The following ANKRD12 variants were observed in gnomAD, a reference collection of about 807,000 sequenced individuals.
The protein encoded by ANKRD12 is ankyrin repeat domain-containing protein 12.
Under a neutral mutation model 183.4 loss-of-function variants are expected in ANKRD12, and 85 were observed. The observed-to-expected ratio is 0.46, with a 90% CI of 0.39 to 0.56. ANKRD12 has a LOEUF of 0.56. Ranked by LOEUF, ANKRD12 falls within the 20% of genes least tolerant of loss-of-function variation. The pLI is 0.00. For synonymous variants in ANKRD12, 914 were observed against 800.2 expected, an observed-to-expected ratio of 1.14 and a Z score of -2.40; for missense variants, 2,405 against 2,357.1, an observed-to-expected ratio of 1.02 and a Z score of -0.42.
At position 9,285,204 on chromosome 18, in the gene ANKRD12, G is replaced by A. The variant is rs367882165; in HGVS notation, c.*4078G>A. On this transcript the variant is annotated 3_prime_UTR_variant, in exon 13 of 13. Coordinates refer to ENST00000262126, the MANE Select transcript of ANKRD12 (RefSeq NM_015208.5). Reference sequence around the variant, plus strand: ...AGCCTGGGCGACAGAGCGAGACTCCGTCTCAAAAAAAAAAAAAAAGAAAGA... The same window carrying A: ...AGCCTGGGCGACAGAGCGAGACTCCATCTCAAAAAAAAAAAAAAAGAAAGA... 2.1e-4 allele frequency: 30 copies of A among 141,018 alleles called. No individual in the cohort carries two copies. Among genetic ancestry groups the A allele is most frequent in the African/African-American group, 6.1e-4 (23 of 37,912 alleles). 8.7% of individuals were successfully genotyped at this position (141,018 alleles called of 1,614,324 possible). A position where few individuals can be genotyped will look rare whatever the true frequency, so the allele number is the denominator to read the frequency against.
Position 9,211,610 on chromosome 18 carries a change from A to G in ANKRD12, c.478A>G (p.Thr160Ala). Residue 160 changes from threonine (T) to alanine (A), a missense_variant, in exon 6 of 13, where the codon ACA becomes GCA. Thr to Ala is a moderately conservative substitution (Grantham distance 58). Transcript: ENST00000262126. ...PDSTPNHPSQ[T>A]TPAQKKTPSS... ...TTCCACACCAAATCATCCATCACAA[A>G]CAACGCCTGCCCAAAAGAAAACTCC... 1 of 1,613,894 alleles carries G rather than the reference A, an allele frequency of 6.2e-7. No individual in the cohort carries two copies. Among genetic ancestry groups the G allele is most frequent in the South Asian group, 1.1e-5 (1 of 91,080 alleles).
At chr18:9,242,125 TTAATG>T (rs1443300705) in intron 8 of ANKRD12, among the ~76,000 whole-genome samples, 3 of 152,080 alleles carry the variant, frequency 2.0e-5, no homozygotes, top group East Asian at 3.9e-4. Flanking sequence ...TGGCTGCAAA[TTAATG>T]TAAGTCTTTA....
In ANKRD12 at chr18:9,273,631, T is replaced by G. The variant is rs148602058; in HGVS notation, c.5764-1893T>G. Among the ~76,000 whole-genome samples, 592 of 152,324 alleles carry G rather than the reference T, an allele frequency of 3.9e-3. 3 individuals are homozygous for G. The highest frequency in any genetic ancestry group is 0.013 in the African/African-American group (527 of 41,570). The stretch of plus-strand genomic sequence containing the variant: ...GACCCAACAGTTCCATTCTACTTAT[T>G]TATCCAAGAGAAATGAAAACATGCA... On this transcript the variant is annotated intron_variant, in intron 10 of 12. Transcript: ENST00000262126.
At chr18:9,267,979 G>A (rs1269872987) in intron 10 of ANKRD12, among the ~76,000 whole-genome samples, 1 of 151,372 alleles carries the variant, frequency 6.6e-6, no homozygotes, top group Non-Finnish European at 1.5e-5. Context: ...TACCATCAGA[G>A]AATAAACACC....
intron 8 of ANKRD12, among the ~76,000 whole-genome samples, chr18:9,243,549 G>C (rs1305586891): frequency 3.3e-5 from 5 of 152,184 alleles, no homozygotes; most frequent in Non-Finnish European, 7.3e-5. Flanking sequence ...TATCCTTGGA[G>C]GTTACACAGG....
intron 8 of ANKRD12, among the ~76,000 whole-genome samples, chr18:9,236,308 T>A (rs776213074): frequency 2.0e-5 from 3 of 152,170 alleles, no homozygotes; most frequent in Non-Finnish European, 4.4e-5. Context: ...TAAGTGAGCT[T>A]ACCAACCCTC....
chr18:9,160,091 A>G (rs1307325249), intron 1 of ANKRD12, among the ~76,000 whole-genome samples: 1 of 151,956 alleles, frequency 6.6e-6, no homozygotes, highest in Non-Finnish European at 1.5e-5. Flanking sequence ...GCAACATGGT[A>G]AAACCGTGTC....
chr18:9,228,016 G>A (rs540959320), intron 8 of ANKRD12, among the ~76,000 whole-genome samples: 1 of 152,134 alleles, frequency 6.6e-6, no homozygotes, highest in African/African-American at 2.4e-5. Context: ...TGAGATTTAA[G>A]TTTCTTAGCT....
intron 1 of ANKRD12, among the ~76,000 whole-genome samples, chr18:9,144,276 C>T (rs2078419624): frequency 6.6e-6 from 1 of 152,108 alleles, no homozygotes; most frequent in Admixed American, 6.5e-5. Flanking sequence ...TATTAATTCT[C>T]CAACCTCCTT....
chr18:9,249,265 T>A (rs140613653), intron 8 of ANKRD12, among the ~76,000 whole-genome samples: 9 of 152,282 alleles, frequency 5.9e-5, no homozygotes, highest in Non-Finnish European at 8.8e-5. Context: ...GTAACCACAC[T>A]CTCACCCCTC....
In ANKRD12 at chr18:9,249,134, A is replaced by C. The variant is rs538050312; in HGVS notation, c.944-5077A>C. On this transcript the variant is annotated intron_variant, in intron 8 of 12. Coordinates refer to ENST00000262126, the MANE Select transcript of ANKRD12 (RefSeq NM_015208.5). ...AGTCCTCTGTGTAGATCACAGGCTTATGTTGGAAGTAACTTCTGAATAATG... is the reference window on the plus strand; with the variant it reads ...AGTCCTCTGTGTAGATCACAGGCTTCTGTTGGAAGTAACTTCTGAATAATG... Among the ~76,000 whole-genome samples, 7 of 99,042 alleles carry C rather than the reference A, an allele frequency of 7.1e-5. No homozygotes were observed. The South Asian group carries it at 1.6e-3, about 22-fold the overall frequency. The allele number at this position is 99,042 out of a possible 152,430, so 65.0% of individuals were successfully genotyped here.
At chr18:9,176,109 A>G (rs1452318302) in intron 1 of ANKRD12, among the ~76,000 whole-genome samples, 2 of 152,152 alleles carry the variant, frequency 1.3e-5, no homozygotes, top group African/African-American at 4.8e-5. Flanking sequence ...TCTTGTTACT[A>G]TAACTTAGCG....
At chr18:9,188,932 T>C (rs1253252349) in intron 2 of ANKRD12, among the ~76,000 whole-genome samples, 1 of 152,104 alleles carries the variant, frequency 6.6e-6, no homozygotes, top group African/African-American at 2.4e-5. Flanking sequence ...GTTTCAGTGG[T>C]CTCTAAGTAT....
At chr18:9,185,360 A>G (rs1225360863) in intron 2 of ANKRD12, among the ~76,000 whole-genome samples, 1 of 152,210 alleles carries the variant, frequency 6.6e-6, no homozygotes, top group Non-Finnish European at 1.5e-5. Flanking sequence ...AAGTTGGCAG[A>G]TCGAAAAGCT....
At chr18:9,232,961 T>G (rs2037139813) in intron 8 of ANKRD12, among the ~76,000 whole-genome samples, 2 of 152,042 alleles carry the variant, frequency 1.3e-5, no homozygotes, top group Non-Finnish European at 2.9e-5. Context: ...GCAATTCTTG[T>G]GCCTCAGCCT....
intron 12 of ANKRD12, 46 bp downstream of exon 12, chr18:9,279,690 T>TAAAAAA: frequency 1.2e-6 from 1 of 824,064 alleles, no homozygotes. Flanking sequence ...TCCCCCTTCT[T>TAAAAAA]AAAAAAAAAA....
At chr18:9,146,534 A>T (rs866549228) in intron 1 of ANKRD12, among the ~76,000 whole-genome samples, 6 of 152,228 alleles carry the variant, frequency 3.9e-5, no homozygotes, top group Admixed American at 6.5e-5. Flanking sequence ...ATAAAAAAAA[A>T]TTAAAAACCA....
intron 1 of ANKRD12, among the ~76,000 whole-genome samples, chr18:9,140,555 G>A (rs2078280619): frequency 6.6e-6 from 1 of 152,178 alleles, no homozygotes. Flanking sequence ...AAAAGTAATA[G>A]TGAAAGTAAT....
chr18:9,181,082 C>G (rs184348265), intron 1 of ANKRD12, among the ~76,000 whole-genome samples: 21 of 152,098 alleles, frequency 1.4e-4, no homozygotes, highest in African/African-American at 3.9e-4. Flanking sequence ...GTTGAATGGC[C>G]CCAAGGTAAG....
Sources: gnomAD v4.1 joint callset for allele counts (sites outside exome capture counted in the v4.1 genomes callset) on GRCh38, gnomAD v4.1.1 for gene constraint, MANE v1.5 for transcripts, NCBI Gene and HGNC (gene_info 2026-07-23, HGNC 2026-07-21) for gene names.